The following CA10 variants were observed in gnomAD, a reference collection of about 807,000 sequenced individuals.
CA10 encodes carbonic anhydrase-related protein 10.
Under a neutral mutation model 44.2 loss-of-function variants are expected in CA10, and 14 were observed. The observed-to-expected ratio is 0.32, with a 90% confidence interval of 0.21 to 0.50. The LOEUF is 0.50. Among genes scored for constraint, CA10 ranks in the 20% least tolerant of loss-of-function variants. The pLI is 0.99. For missense variants in CA10, 350 were observed against 409.7 expected, an observed-to-expected ratio of 0.85 and a Z score of 1.26; for synonymous variants, 159 against 141.6, an observed-to-expected ratio of 1.12 and a Z score of -0.87.
intron 2 of CA10, among the ~76,000 whole-genome samples, chr17:52,064,402 A>G (rs371930133): frequency 1.2e-4 from 19 of 152,280 alleles, no homozygotes; most frequent in African/African-American, 4.6e-4. Flanking sequence ...CCAAAAAATC[A>G]AGGCAGGTAC....
intron 4 of CA10, among the ~76,000 whole-genome samples, chr17:51,688,491 C>T (rs1915081513): frequency 6.6e-6 from 1 of 152,192 alleles, no homozygotes; most frequent in East Asian, 1.9e-4. Context: ...CTTTAGCTTT[C>T]TTGTCTATAA....
intron 2 of CA10, among the ~76,000 whole-genome samples, chr17:51,964,023 C>T (rs533310508): frequency 6.6e-6 from 1 of 152,184 alleles, no homozygotes; most frequent in East Asian, 1.9e-4. Context: ...AGAGACCCAT[C>T]TCAAACATAA....
chr17:51,847,528 T>C (rs1466423121), intron 3 of CA10, among the ~76,000 whole-genome samples: 1 of 152,220 alleles, frequency 6.6e-6, no homozygotes, highest in African/African-American at 2.4e-5. Flanking sequence ...GCATATCATC[T>C]AATTCCAAAA....
chr17:51,877,159 A>G lies in CA10; in HGVS notation c.279+53831T>C, dbSNP rs576978802. ...ACACTGCTCCATCTTCCCTCCCCCAAGCTTTAGCAACCACCTACAGTCCAG... is the reference window on the plus strand; with the variant it reads ...ACACTGCTCCATCTTCCCTCCCCCAGGCTTTAGCAACCACCTACAGTCCAG... On this transcript the variant is annotated intron_variant, in intron 3 of 8. Coordinates refer to ENST00000451037, the MANE Select transcript of CA10 (RefSeq NM_020178.5). Among the ~76,000 whole-genome samples, 14 of 152,284 alleles carry G rather than the reference A, an allele frequency of 9.2e-5. No homozygotes were observed. In the South Asian group the frequency reaches 2.1e-3, roughly 23 times the overall value.
intron 6 of CA10, among the ~76,000 whole-genome samples, chr17:51,646,681 G>A (rs1279503670): frequency 6.6e-6 from 1 of 152,140 alleles, no homozygotes; most frequent in Non-Finnish European, 1.5e-5. Context: ...CTGTGTTCTA[G>A]TGAATGACTC....
intron 1 of CA10, among the ~76,000 whole-genome samples, chr17:52,145,047 T>C (rs1456123231): frequency 6.6e-6 from 1 of 152,194 alleles, no homozygotes; most frequent in Non-Finnish European, 1.5e-5. Context: ...CGATGAATGC[T>C]CTTCAATACA....
At chr17:52,093,752 GAA>G (rs1808091277) in intron 1 of CA10, among the ~76,000 whole-genome samples, 1 of 152,094 alleles carries the variant, frequency 6.6e-6, no homozygotes, top group African/African-American at 2.4e-5. Context: ...CAGTAGAATG[GAA>G]AAGAGGGCAA....
intron 3 of CA10, among the ~76,000 whole-genome samples, chr17:51,830,065 C>T (rs758438710): frequency 7.9e-5 from 12 of 151,710 alleles, no homozygotes; most frequent in East Asian, 1.9e-4. Flanking sequence ...GGTGTGTTGG[C>T]GCATGCCTGT....
intron 4 of CA10, among the ~76,000 whole-genome samples, chr17:51,736,045 T>C (rs1363394066): frequency 6.6e-6 from 1 of 152,156 alleles, no homozygotes; most frequent in Non-Finnish European, 1.5e-5. Flanking sequence ...TATTGTACAG[T>C]TTAAATTCTT....
At chr17:52,154,665 C>T (rs1989768003) in intron 1 of CA10, among the ~76,000 whole-genome samples, 1 of 152,290 alleles carries the variant, frequency 6.6e-6, no homozygotes, top group African/African-American at 2.4e-5. Flanking sequence ...GGATGCCTTA[C>T]ATTTTCAGAA....
At chr17:51,930,596 C>G (rs368129538) in intron 3 of CA10, among the ~76,000 whole-genome samples, 5 of 152,064 alleles carry the variant, frequency 3.3e-5, no homozygotes, top group Non-Finnish European at 7.4e-5. Context: ...AGATGATGAA[C>G]GTCTGATTTT....
At chr17:51,657,905 T>C (rs1913853476) in intron 4 of CA10, among the ~76,000 whole-genome samples, 1 of 152,236 alleles carries the variant, frequency 6.6e-6, no homozygotes, top group Admixed American at 6.5e-5. Flanking sequence ...ATTTAAGCTA[T>C]TCATTAAAGA....
At chr17:51,828,957 A>G (rs1177732481) in intron 3 of CA10, among the ~76,000 whole-genome samples, 1 of 152,234 alleles carries the variant, frequency 6.6e-6, no homozygotes, top group Non-Finnish European at 1.5e-5. Flanking sequence ...TTTTCATTAC[A>G]TCACAGGTGA....
intron 1 of CA10, among the ~76,000 whole-genome samples, chr17:52,093,216 G>A (rs758587192): frequency 5.3e-5 from 8 of 152,050 alleles, no homozygotes; most frequent in Non-Finnish European, 1.2e-4. Flanking sequence ...ATAGAGATGG[G>A]CACATACTAG....
intron 4 of CA10, among the ~76,000 whole-genome samples, chr17:51,708,299 T>C (rs1178198167): frequency 2.0e-5 from 3 of 152,216 alleles, no homozygotes; most frequent in Non-Finnish European, 2.9e-5. Flanking sequence ...CTGATGGCCA[T>C]GCTGATGGGA....
At chr17:51,830,943 T>C (rs894348371) in intron 3 of CA10, among the ~76,000 whole-genome samples, 8 of 152,290 alleles carry the variant, frequency 5.3e-5, no homozygotes, top group African/African-American at 1.7e-4. Flanking sequence ...ATTTTTGCCA[T>C]TGAAAGTAAT....
At chr17:51,818,706 C>T (rs781663804) in intron 3 of CA10, among the ~76,000 whole-genome samples, 1 of 152,160 alleles carries the variant, frequency 6.6e-6, no homozygotes, top group African/African-American at 2.4e-5. Context: ...TTAAATTCAC[C>T]AGCTTTGGCT....
intron 1 of CA10, among the ~76,000 whole-genome samples, chr17:52,107,828 G>A (rs1453979771): frequency 2.0e-5 from 3 of 152,114 alleles, no homozygotes; most frequent in Admixed American, 2.0e-4. Context: ...CAGGTAGGGT[G>A]AGCACAGTGT....
intron 2 of CA10, among the ~76,000 whole-genome samples, chr17:52,056,241 G>A (rs534333296): frequency 3.3e-4 from 50 of 152,178 alleles, no homozygotes; most frequent in South Asian, 6.2e-4. Context: ...TTGGAAAGGC[G>A]ACAAGGGCAT....
Sources: gnomAD v4.1 joint callset for allele counts (sites outside exome capture counted in the v4.1 genomes callset) on GRCh38, gnomAD v4.1.1 for gene constraint, MANE v1.5 for transcripts, NCBI Gene and HGNC (gene_info 2026-07-23, HGNC 2026-07-21) for gene names.